Variants in TRPC5 observed in about 807,000 individuals in gnomAD.
TRPC5 encodes short transient receptor potential channel 5.
Under a neutral mutation model 56.5 loss-of-function variants are expected in TRPC5, and 9 were observed. The observed-to-expected ratio is 0.16, with a 90% CI of 0.10 to 0.28. The LOEUF (loss-of-function observed/expected upper bound fraction) is 0.28, where lower values mean the gene tolerates loss of function less well. Among genes scored for constraint, TRPC5 ranks in the 10% least tolerant of loss-of-function variants. TRPC5 has a pLI of 1.00. For missense variants in TRPC5, 469 were observed against 748.9 expected, an observed-to-expected ratio of 0.63 and a Z score of 4.36; for synonymous variants, 282 against 278.5, an observed-to-expected ratio of 1.01 and a Z score of -0.13.
intron 1 of TRPC5, among the ~76,000 whole-genome samples, chrX:111,954,157 A>G (rs1927167050): frequency 8.9e-6 from 1 of 112,559 alleles, no homozygotes; most frequent in Non-Finnish European, 1.9e-5. Context: ...TAATGATACT[A>G]ATTGTAGACT....
intron 1 of TRPC5, among the ~76,000 whole-genome samples, chrX:112,048,939 G>T (rs16986759): frequency 0.046 from 5,206 of 111,977 alleles, 84 homozygotes; most frequent in Non-Finnish European, 0.06. Flanking sequence ...GCACTGTGTG[G>T]CCAATGAGTT....
chrX:111,857,809 A>G (rs1232458453), intron 3 of TRPC5, among the ~76,000 whole-genome samples: 6 of 112,546 alleles, frequency 5.3e-5, no homozygotes, highest in Non-Finnish European at 1.1e-4. Flanking sequence ...CCTGAACCAA[A>G]CAGACATTTG....
chrX:112,039,738 G>GA (rs1288027114), intron 1 of TRPC5, among the ~76,000 whole-genome samples: 2 of 111,176 alleles, frequency 1.8e-5, no homozygotes, highest in Non-Finnish European at 1.9e-5. Context: ...AAATCAACTG[G>GA]AAAAAAACAG....
At chrX:111,807,997 C>T (rs956731843) in intron 7 of TRPC5, among the ~76,000 whole-genome samples, 16 of 87,778 alleles carry the variant, frequency 1.8e-4, no homozygotes, top group African/African-American at 7.1e-4. Context: ...TGTGTGCACG[C>T]GCTGAGCTGC....
At chrX:112,064,028 C>A (rs1930522020) in intron 1 of TRPC5, among the ~76,000 whole-genome samples, 1 of 111,849 alleles carries the variant, frequency 8.9e-6, no homozygotes, top group Non-Finnish European at 1.9e-5. Flanking sequence ...TCCTGCCCCC[C>A]AAACATGTGC....
rs1293447800 is a variant in TRPC5, at chrX:112,004,212, CTGTA to C, written c.-21-51775_-21-51772del. On this transcript the variant is annotated intron_variant, in intron 1 of 10. Transcript: ENST00000262839. ...TGCACTTAATTAACCATAGAGTTAT[CTGTA>C]TGTTCTGTTGTTATATTATCAACAG... Among the ~76,000 whole-genome samples, 10 of 111,778 alleles carry C rather than the reference CTGTA, an allele frequency of 8.9e-5. No individual in the cohort carries two copies. In the South Asian group the frequency reaches 1.5e-3, roughly 17 times the overall value.
intron 1 of TRPC5, among the ~76,000 whole-genome samples, chrX:112,043,283 T>C (rs16986751): frequency 0.13 from 14,204 of 111,337 alleles, 776 homozygotes; most frequent in African/African-American, 0.18. Flanking sequence ...AAATGAACAT[T>C]TTCGTATAAA....
intron 1 of TRPC5, among the ~76,000 whole-genome samples, chrX:112,000,753 A>G (rs971985994): frequency 2.7e-5 from 3 of 112,167 alleles, no homozygotes; most frequent in African/African-American, 9.7e-5. Context: ...TTCTATCAGT[A>G]TATCTCCTAA....
chrX:111,912,790 G>A lies in TRPC5; in HGVS notation c.401C>T (p.Thr134Met), dbSNP rs778578106. Residue 134 changes from threonine (T) to methionine (M), a missense_variant, in exon 3 of 11, where the codon ACG becomes ATG. Thr to Met is a moderately conservative substitution (Grantham distance 81, BLOSUM62 -1). Transcript: ENST00000262839. ...GTCCGGTGTGAATTCAGAGAACTGC[G>A]TGTCCATCATCAGAGTGGGGACCTA... ...EKQVPTLMMD[T>M]QFSEFTPDIT... 1.2e-4 allele frequency: 142 copies of A among 1,198,204 alleles called. No individual in the cohort carries two copies. Among genetic ancestry groups the A allele is most frequent in the Middle Eastern group, 2.3e-4 (1 of 4,339 alleles).
chrX:112,017,337 G>T (rs1052812145), intron 1 of TRPC5, among the ~76,000 whole-genome samples: 5 of 111,088 alleles, frequency 4.5e-5, no homozygotes, highest in Admixed American at 1.9e-4. Context: ...TTTTACAGAG[G>T]AAGAGAGAAA....
At chrX:111,804,193 C>G (rs1442268626) in intron 7 of TRPC5, among the ~76,000 whole-genome samples, 1 of 111,785 alleles carries the variant, frequency 8.9e-6, no homozygotes, top group Admixed American at 9.5e-5. Flanking sequence ...GGGCTCTGTT[C>G]TGTTCCATTG....
chrX:112,048,345 G>A (rs1174820462), intron 1 of TRPC5, among the ~76,000 whole-genome samples: 1 of 98,964 alleles, frequency 1.0e-5, no homozygotes. Flanking sequence ...AGGTTGCAGT[G>A]AGCCGCGATC....
chrX:111,905,116 A>G (rs949771696), intron 3 of TRPC5, among the ~76,000 whole-genome samples: 5 of 110,952 alleles, frequency 4.5e-5, no homozygotes, highest in Non-Finnish European at 9.4e-5. Context: ...TGAGGGGGTT[A>G]TGTAACTCTG....
chrX:111,806,745 C>T (rs1386169043), intron 7 of TRPC5, among the ~76,000 whole-genome samples: 1 of 111,437 alleles, frequency 9.0e-6, no homozygotes, highest in Non-Finnish European at 1.9e-5. Context: ...TTAACATATC[C>T]ATCACCTCAA....
chrX:111,988,204 T>C (rs1275429023), intron 1 of TRPC5, among the ~76,000 whole-genome samples: 1 of 111,501 alleles, frequency 9.0e-6, no homozygotes, highest in Non-Finnish European at 1.9e-5. Flanking sequence ...TTGCTCTGGA[T>C]CTTAGGAAAA....
chrX:112,023,125 G>A (rs897466323), intron 1 of TRPC5, among the ~76,000 whole-genome samples: 6 of 108,597 alleles, frequency 5.5e-5, no homozygotes, highest in African/African-American at 1.7e-4. Flanking sequence ...TAGTACAGAC[G>A]GGGTTTCACC....
chrX:111,926,157 T>C (rs1255132219), intron 2 of TRPC5, among the ~76,000 whole-genome samples: 2 of 111,522 alleles, frequency 1.8e-5, no homozygotes, highest in African/African-American at 6.5e-5. Context: ...GAATTAGTCA[T>C]GCCAGTCTTA....
intron 5 of TRPC5, among the ~76,000 whole-genome samples, chrX:111,847,890 G>A (rs1341621963): frequency 1.8e-5 from 2 of 110,789 alleles, no homozygotes; most frequent in Admixed American, 9.6e-5. Context: ...CATGGACAAC[G>A]TGCTGTTACT....
chrX:112,059,435 A>G (rs1235178356), intron 1 of TRPC5, among the ~76,000 whole-genome samples: 1 of 112,036 alleles, frequency 8.9e-6, no homozygotes, highest in Non-Finnish European at 1.9e-5. Flanking sequence ...CTGCCACATG[A>G]CGCAGTTCCA....
Sources: allele counts gnomAD v4.1 joint callset (sites outside exome capture counted in the v4.1 genomes callset), GRCh38; gene constraint gnomAD v4.1.1; transcripts MANE v1.5; gene names NCBI Gene and HGNC (gene_info 2026-07-23, HGNC 2026-07-21).